Variants in EDRF1 observed in about 807,000 individuals in gnomAD.
The protein encoded by EDRF1 is erythroid differentiation regulatory factor 1, also known as erythroid differentiation-related factor 1.
Under a neutral mutation model 148.7 loss-of-function variants are expected in EDRF1, and 69 were observed. That is an observed-to-expected ratio of 0.46 (90% CI 0.38 to 0.57). The LOEUF (loss-of-function observed/expected upper bound fraction) is 0.57, where lower values mean the gene tolerates loss of function less well. Among genes scored for constraint, EDRF1 ranks in the 20% least tolerant of loss-of-function variants. The pLI, the probability that EDRF1 is intolerant of heterozygous loss-of-function variation, is 0.00. For missense variants in EDRF1, 1,118 were observed against 1,478.7 expected, an observed-to-expected ratio of 0.76 and a Z score of 4.00; for synonymous variants, 515 against 532.8, an observed-to-expected ratio of 0.97 and a Z score of 0.46.
rs1327104706 is a variant in EDRF1, at chr10:125,763,468, A to G, written c.3713A>G (p.Gln1238Arg). The change falls in exon 25 of 25, where the codon CAG (glutamine) becomes CGG (arginine). Residue 1238 changes from glutamine (Q) to arginine (R), a missense_variant. Physicochemically the swap from Gln to Arg is conservative, Grantham distance 43 (BLOSUM62 1). Coordinates refer to ENST00000356792, the MANE Select transcript of EDRF1 (RefSeq NM_001202438.2). This position sits in a 1 kb window ranked among gnomAD's most constrained non-coding sequence, Gnocchi z 4.3. ...AGSAASSNAV[Q>R] is the part of the protein sequence containing the mutation. ...AGTGCAGCGAGCAGCAATGCCGTTC[A>G]GTGACTGCACAGAGCCGTGTCCCAG... The G allele has an allele frequency of 5.0e-6, 8 of 1,606,606 alleles. No individual in the cohort carries two copies. The South Asian group carries it at 8.8e-5, about 18-fold the overall frequency.
chr10:125,742,484 A>G (rs557427986), intron 17 of EDRF1: 1 of 1,034,426 alleles, frequency 9.7e-7, no homozygotes, highest in East Asian at 1.0e-4. Context: ...AAAATGTGTT[A>G]TTTTGTAATA....
intron 1 of EDRF1, 76 bp from the exon 2 acceptor site, chr10:125,721,128 T>A (rs1004493540): frequency 7.0e-7 from 1 of 1,426,436 alleles, no homozygotes; most frequent in South Asian, 1.1e-5. Flanking sequence ...TGACAGGTTC[T>A]TGTTTTCTTT....
At chr10:125,737,341 T>C (rs1266541037) in intron 13 of EDRF1, among the ~76,000 whole-genome samples, 1 of 152,210 alleles carries the variant, frequency 6.6e-6, no homozygotes, top group African/African-American at 2.4e-5. Flanking sequence ...CTTATCCTCA[T>C]TGAATGACTT....
chr10:125,761,056 T>C (rs1850168021), intron 24 of EDRF1, among the ~76,000 whole-genome samples: 1 of 152,240 alleles, frequency 6.6e-6, no homozygotes, highest in African/African-American at 2.4e-5. Context: ...AGAGGCCATG[T>C]TAAACAAATT....
intron 15 of EDRF1, among the ~76,000 whole-genome samples, chr10:125,739,658 C>G (rs1429550180): frequency 4.6e-5 from 7 of 152,322 alleles, no homozygotes; most frequent in African/African-American, 1.7e-4. Flanking sequence ...CTTTCATTGC[C>G]TTGAAAGACT....
At position 125,719,776 on chromosome 10, in the gene EDRF1, C is replaced by T. The variant is rs757373280; in HGVS notation, c.-32C>T. 3.8e-6 allele frequency: 6 copies of T among 1,577,746 alleles called. No homozygotes were observed. In the East Asian group the frequency reaches 9.1e-5, roughly 24 times the overall value. ...CGTTGCTGCTGCTGCTCCTCCGCTCCCCCGTCGTATCGCCTGCCCTGGATC... is the reference window on the plus strand; with the variant it reads ...CGTTGCTGCTGCTGCTCCTCCGCTCTCCCGTCGTATCGCCTGCCCTGGATC... On this transcript the variant is annotated 5_prime_UTR_variant, in exon 1 of 25. Coordinates refer to ENST00000356792, the MANE Select transcript of EDRF1 (RefSeq NM_001202438.2).
chr10:125,731,735 T>G (rs1589830121), intron 9 of EDRF1: 1 of 284,242 alleles, frequency 3.5e-6, no homozygotes, highest in Non-Finnish European at 7.8e-6. Context: ...GATAGTGTAA[T>G]GTACTTTCCA....
rs1336613875 is a variant in EDRF1 at position 125,739,164 on chromosome 10, A to T, written c.1981+719A>T. Among the ~76,000 whole-genome samples, 6 of 151,998 alleles carry T rather than the reference A, an allele frequency of 3.9e-5. No homozygotes were observed. In the East Asian group the frequency reaches 1.2e-3, roughly 29 times the overall value. Reference sequence around the variant, plus strand: ...TAGAAAGCCTGTATGTTTGAAGTACATCTGAATCATAGTGGAAGCGCTTTC... The same window carrying T: ...TAGAAAGCCTGTATGTTTGAAGTACTTCTGAATCATAGTGGAAGCGCTTTC... On this transcript the variant is annotated intron_variant, in intron 15 of 24. Coordinates refer to ENST00000356792, the MANE Select transcript of EDRF1 (RefSeq NM_001202438.2).
intron 24 of EDRF1, among the ~76,000 whole-genome samples, chr10:125,754,658 T>C (rs1003757342): frequency 1.3e-5 from 2 of 152,252 alleles, no homozygotes; most frequent in Non-Finnish European, 2.9e-5. Context: ...CAAAGTTTGT[T>C]ATTTTGGCAT....
chr10:125,729,291 T>C, intron 7 of EDRF1, 67 bp from the exon 8 acceptor site: 2 of 1,587,212 alleles, frequency 1.3e-6, no homozygotes, highest in Non-Finnish European at 1.7e-6. Context: ...TTCTAGTCTT[T>C]TTATGGATCA....
At chr10:125,738,673 AC>A (rs1308700476) in intron 15 of EDRF1, among the ~76,000 whole-genome samples, 1 of 152,176 alleles carries the variant, frequency 6.6e-6, no homozygotes, top group African/African-American at 2.4e-5. Flanking sequence ...TCTTCCTGTT[AC>A]CCACAGTGGG....
intron 24 of EDRF1, among the ~76,000 whole-genome samples, chr10:125,758,153 C>G (rs1850004695): frequency 6.6e-6 from 1 of 152,212 alleles, no homozygotes; most frequent in South Asian, 2.1e-4. Flanking sequence ...TTCTTTGTCT[C>G]TGTTACAATG....
chr10:125,742,547 TGTA>T (rs1589848699), intron 17 of EDRF1: 1 of 985,472 alleles, frequency 1.0e-6, no homozygotes, highest in East Asian at 1.1e-4. Context: ...CATGTTTTAA[TGTA>T]GTAGGAAAGT....
In EDRF1 at chr10:125,743,106, C is replaced by T. The variant is rs760018580; in HGVS notation, c.2420C>T (p.Ser807Phe). 6.2e-7 allele frequency: 1 copy of T among 1,613,788 alleles called. No individual in the cohort carries two copies. The highest frequency in any genetic ancestry group is 1.3e-5 in the African/African-American group (1 of 74,900). Residue 807 changes from serine to phenylalanine, a missense_variant, in exon 18 of 25, where the codon TCT (serine) becomes TTT (phenylalanine). Ser to Phe is a radical substitution (Grantham distance 155). This residue lies in a region of EDRF1 where 954 missense variants were observed against 1,241.4 expected (regional missense o/e 0.77). Coordinates refer to ENST00000356792, the MANE Select transcript of EDRF1 (RefSeq NM_001202438.2). Reference protein sequence around the residue: ...DLSTDLESQLSVSCKCYEAAN... With the variant: ...DLSTDLESQLFVSCKCYEAAN... Reference sequence around the variant, plus strand: ...TCTACAGACTTAGAAAGTCAACTCTCTGTTAGTTGTAAATGTTATGAGGCT... The same window carrying T: ...TCTACAGACTTAGAAAGTCAACTCTTTGTTAGTTGTAAATGTTATGAGGCT...
intron 15 of EDRF1, among the ~76,000 whole-genome samples, chr10:125,738,745 C>T (rs1185959695): frequency 2.0e-5 from 3 of 152,302 alleles, no homozygotes; most frequent in African/African-American, 4.8e-5. Context: ...CAGACTTAGC[C>T]AGACTGCCTA....
intron 24 of EDRF1, among the ~76,000 whole-genome samples, chr10:125,760,679 T>C (rs1030969528): frequency 3.3e-5 from 5 of 152,180 alleles, no homozygotes; most frequent in African/African-American, 1.2e-4. Flanking sequence ...CTTAGTTGTT[T>C]CACAGTGAAT....
At chr10:125,747,321 G>A in intron 19 of EDRF1, 1 of 593,420 alleles carries the variant, frequency 1.7e-6, no homozygotes, top group Non-Finnish European at 3.0e-6. Context: ...CTTGAGATGG[G>A]AACACAGAGT....
chr10:125,720,024 TCCC>T, intron 1 of EDRF1, 109 bp downstream of exon 1: 1 of 954,244 alleles, frequency 1.0e-6, no homozygotes, highest in Admixed American at 2.5e-5. Context: ...TCTCCATGTT[TCCC>T]TGACACCCCC....
intron 13 of EDRF1, 57 bp downstream of exon 13, chr10:125,735,961 A>G (rs1848708554): frequency 4.8e-6 from 7 of 1,470,140 alleles, no homozygotes; most frequent in Non-Finnish European, 6.6e-6. Flanking sequence ...TGTTAATCGA[A>G]TATAGTTAGC....
Sources: gnomAD v4.1 joint callset for allele counts (sites outside exome capture counted in the v4.1 genomes callset) on GRCh38, gnomAD v4.1.1 for gene constraint, gnomAD v4.1.1 regional missense constraint, Gnocchi (gnomAD v3.1) non-coding constraint, MANE v1.5 for transcripts, NCBI Gene and HGNC (gene_info 2026-07-23, HGNC 2026-07-21) for gene names.